The following UBE2M variants were observed in gnomAD, a reference collection of about 807,000 sequenced individuals.
The protein encoded by UBE2M is NEDD8-conjugating enzyme Ubc12.
A neutral mutation model predicts 23.5 loss-of-function variants in UBE2M; 2 were observed. The ratio of observed to expected loss-of-function variants is 0.09; its 90% confidence interval spans 0.03 to 0.27. The LOEUF is 0.27. Ranked by LOEUF, UBE2M falls within the 10% of genes least tolerant of loss-of-function variation. The pLI, the probability that UBE2M is intolerant of heterozygous loss-of-function variation, is 1.00. For synonymous variants in UBE2M, 97 were observed against 95.2 expected (o/e 1.02, Z -0.11); for missense variants, 103 against 232.9 (o/e 0.44, Z 3.63).
Position 58,555,778 on chromosome 19 carries a change from C to T in UBE2M, c.*311G>A, listed in dbSNP as rs1248611820. On this transcript the variant is annotated 3_prime_UTR_variant, in exon 6 of 6. Transcript: ENST00000253023. ...AGGTGGAGGGGTGGGTTGCCTGGGC[C>T]CAGCTACCCAGGCCCGTTGCCCACC... 2 of 379,518 alleles carry T rather than the reference C, an allele frequency of 5.3e-6. No individual in the cohort carries two copies. The highest frequency in any genetic ancestry group is 9.8e-6 in the Non-Finnish European group (2 of 203,130). The allele number at this position is 379,518 out of a possible 1,614,324, so 23.5% of individuals were successfully genotyped here.
In UBE2M at chr19:58,556,156, T is replaced by A. The variant is rs1266818300; in HGVS notation, c.485A>T (p.Gln162Leu). 6 of 1,613,966 alleles carry A rather than the reference T, an allele frequency of 3.7e-6. No homozygotes were observed. The highest frequency in any genetic ancestry group is 1.3e-5 in the African/African-American group (1 of 74,926). ...VLQNNRRLFE[Q>L]NVQRSMRGGY... is the part of the protein sequence containing the mutation. The stretch of plus-strand genomic sequence containing the variant: ...ACCCCGCATGGAGCGCTGCACGTTC[T>A]GCTCAAACAGCCGCCGGTTGTTCTG... The change falls in exon 6 of 6, where the codon CAG (glutamine) becomes CTG (leucine). Residue 162 changes from glutamine to leucine, a missense_variant. This residue lies in a region of UBE2M where 34 missense variants were observed against 45.6 expected (regional missense o/e 0.75). Transcript: ENST00000253023. This position sits in a 1 kb window ranked among gnomAD's most constrained non-coding sequence, Gnocchi z 4.9.
rs1048357587 is a variant in UBE2M, at chr19:58,556,182, C to G, written c.459G>C (p.Leu153=). Residue 153 remains leucine (L), a synonymous_variant, in exon 6 of 6, where the codon CTG becomes CTC. Coordinates refer to ENST00000253023, the MANE Select transcript of UBE2M (RefSeq NM_003969.4). The surrounding 1 kb of genome is among the most constrained non-coding windows in gnomAD (Gnocchi z 4.9). ...GCTCAAACAGCCGCCGGTTGTTCTG[C>G]AGGACCTCTGCGGCCTCCTTGTTCA... ...DPLNKEAAEV[L]QNNRRLFEQN... is the part of the protein sequence containing the mutation. 1.2e-6 allele frequency: 2 copies of G among 1,614,182 alleles called. No homozygotes were observed. The highest frequency in any genetic ancestry group is 1.7e-6 in the Non-Finnish European group (2 of 1,180,020).
Position 58,555,803 on chromosome 19 carries a change from C to G in UBE2M, c.*286G>C, listed in dbSNP as rs947350128. The G allele has an allele frequency of 2.2e-6, 1 of 451,516 alleles. No homozygotes were observed. The highest frequency in any genetic ancestry group is 2.0e-5 in the African/African-American group (1 of 51,222). The allele number at this position is 451,516 out of a possible 1,614,324, so 28.0% of individuals were successfully genotyped here. ...CCAGCTACCCAGGCCCGTTGCCCAC[C>G]CACTCCACAGCCCAGAGTGGGGGCT... On this transcript the variant is annotated 3_prime_UTR_variant, in exon 6 of 6. Transcript: ENST00000253023.
Position 58,558,606 on chromosome 19 carries a change from G to A in UBE2M, c.-225C>T. On this transcript the variant is annotated 5_prime_UTR_variant, in exon 1 of 6. Transcript: ENST00000253023. This position sits in a 1 kb window ranked among gnomAD's most constrained non-coding sequence, Gnocchi z 4.7. Reference sequence around the variant, plus strand: ...CGGCTCCGGCCTGGCCCAGCGCCTCGGACTCGCTCGGCAGCGCTCGGCCAA... The same window carrying A: ...CGGCTCCGGCCTGGCCCAGCGCCTCAGACTCGCTCGGCAGCGCTCGGCCAA... The A allele has an allele frequency of 6.5e-6, 1 of 153,910 alleles. No individual in the cohort carries two copies. The highest frequency in any genetic ancestry group is 1.9e-4 in the East Asian group (1 of 5,154). The allele number at this position is 153,910 out of a possible 1,614,324, so 9.5% of individuals were successfully genotyped here.
Position 58,558,425 on chromosome 19 carries a change from CCCCGGCCA to C in UBE2M, c.-52_-45del, listed in dbSNP as rs2053907688. On this transcript the variant is annotated 5_prime_UTR_variant, in exon 1 of 6. Transcript: ENST00000253023. This position sits in a 1 kb window ranked among gnomAD's most constrained non-coding sequence, Gnocchi z 4.7. ...GCTGCCGCCGCCGCGGGGCCCGGGA[CCCCGGCCA>C]CCCGGCCCCCCGCCGCCGCCCGCGT... 4.0e-6 allele frequency: 4 copies of C among 1,006,826 alleles called. No individual in the cohort carries two copies. Among genetic ancestry groups the C allele is most frequent in the Non-Finnish European group, 4.8e-6 (4 of 838,608 alleles). 62.4% of individuals were successfully genotyped at this position (1,006,826 alleles called of 1,614,324 possible). A position where few individuals can be genotyped will look rare whatever the true frequency, so the allele number is the denominator to read the frequency against.
rs753271416 is a variant in UBE2M, at chr19:58,558,402, T to C, written c.-21A>G. 4.1e-5 allele frequency: 53 copies of C among 1,284,572 alleles called. No individual in the cohort carries two copies. Among genetic ancestry groups the C allele is most frequent in the African/African-American group, 2.2e-4 (14 of 64,644 alleles). 79.6% of individuals were successfully genotyped at this position (1,284,572 alleles called of 1,614,324 possible). On this transcript the variant is annotated 5_prime_UTR_variant, in exon 1 of 6. Transcript: ENST00000253023. The surrounding 1 kb of genome is among the most constrained non-coding windows in gnomAD (Gnocchi z 4.7). ...ATCATCCTGCCGCCGCCGCCGCCGC[T>C]GCCGCCGCCGCGGGGCCCGGGACCC... is the stretch of plus-strand genomic sequence containing the variant.
rs948726664 is a variant in UBE2M at position 58,556,250 on chromosome 19, G to C, written c.412-21C>G. On this transcript the variant is annotated intron_variant, in intron 5 of 5. Transcript: ENST00000253023. This position sits in a 1 kb window ranked among gnomAD's most constrained non-coding sequence, Gnocchi z 4.9. ...GGCTCCTGTGGCCAGTACAGGTAGG[G>C]GGGGTCAACAGGCCAGAGGGACAGA... is the stretch of plus-strand genomic sequence containing the variant. 16 of 1,613,856 alleles carry C rather than the reference G, an allele frequency of 9.9e-6. No homozygotes were observed. Among genetic ancestry groups the C allele is most frequent in the Middle Eastern group, 1.6e-4 (1 of 6,084 alleles).
rs1293021989 is a variant in UBE2M at position 58,555,994 on chromosome 19, C to T, written c.*95G>A. On this transcript the variant is annotated 3_prime_UTR_variant, in exon 6 of 6. Coordinates refer to ENST00000253023, the MANE Select transcript of UBE2M (RefSeq NM_003969.4). ...AGGCCAAGGCAGGGGATTCCCCCAC[C>T]GGCCGCCCCCCAAACCCCTACCCAT... The T allele has an allele frequency of 2.0e-6, 3 of 1,489,384 alleles. No homozygotes were observed. The highest frequency in any genetic ancestry group is 2.1e-5 in the Admixed American group (1 of 48,328). 92.3% of individuals were successfully genotyped at this position (1,489,384 alleles called of 1,614,324 possible). A position where few individuals can be genotyped will look rare whatever the true frequency, so the allele number is the denominator to read the frequency against.
chr19:58,556,280 CA>C lies in UBE2M; in HGVS notation c.411+35del. ...TCAACAGGCCAGAGGGACAGAAGGC[CA>C]ATCTCCCCAGACCCAACCACCTATT... On this transcript the variant is annotated intron_variant, in intron 5 of 5. Coordinates refer to ENST00000253023, the MANE Select transcript of UBE2M (RefSeq NM_003969.4). This position sits in a 1 kb window ranked among gnomAD's most constrained non-coding sequence, Gnocchi z 4.9. 1 of 1,614,062 alleles carries C rather than the reference CA, an allele frequency of 6.2e-7. No individual in the cohort carries two copies. The highest frequency in any genetic ancestry group is 1.1e-5 in the South Asian group (1 of 91,076).
chr19:58,557,895 AT>A (rs2053902870), intron 1 of UBE2M, among the ~76,000 whole-genome samples: 2 of 150,572 alleles, frequency 1.3e-5, no homozygotes, highest in African/African-American at 4.9e-5. Context: ...TCTTCCACTC[AT>A]ATCCCCAACC....
At position 58,557,098 on chromosome 19, in the gene UBE2M, G is replaced by T. The variant is rs1312296284; in HGVS notation, c.169C>A (p.Leu57Ile). The change falls in exon 2 of 6, where the codon CTC becomes ATC. Residue 57 changes from leucine (L) to isoleucine (I), a missense_variant. By Grantham distance (5) the Leu-to-Ile change is conservative. Coordinates refer to ENST00000253023, the MANE Select transcript of UBE2M (RefSeq NM_003969.4). ...CAGATGACCAGCTTGAAGTTGAGGA[G>T]GTCGTCTGGATCTGAGAAGCTGATA... ...CDISFSDPDD[L>I]LNFKLVICPD... is the part of the protein sequence containing the mutation. 1 of 1,614,064 alleles carries T rather than the reference G, an allele frequency of 6.2e-7. No individual in the cohort carries two copies. The highest frequency in any genetic ancestry group is 8.5e-7 in the Non-Finnish European group (1 of 1,179,974).
In UBE2M at chr19:58,555,762, G is replaced by A; in HGVS notation, c.*327C>T. On this transcript the variant is annotated 3_prime_UTR_variant, in exon 6 of 6. Coordinates refer to ENST00000253023, the MANE Select transcript of UBE2M (RefSeq NM_003969.4). ...CTGGTGGGACCTCCAGAGGTGGAGG[G>A]GTGGGTTGCCTGGGCCCAGCTACCC... 5.6e-6 allele frequency: 2 copies of A among 359,044 alleles called. No individual in the cohort carries two copies. Among genetic ancestry groups the A allele is most frequent in the Middle Eastern group, 8.1e-4 (1 of 1,230 alleles). 22.2% of individuals were successfully genotyped at this position (359,044 alleles called of 1,614,324 possible).
Position 58,555,983 on chromosome 19 carries a change from G to C in UBE2M, c.*106C>G. The C allele has an allele frequency of 2.1e-6, 3 of 1,461,030 alleles. No homozygotes were observed. The highest frequency in any genetic ancestry group is 4.3e-5 in the Admixed American group (2 of 46,582). 90.5% of individuals were successfully genotyped at this position (1,461,030 alleles called of 1,614,324 possible). A position where few individuals can be genotyped will look rare whatever the true frequency, so the allele number is the denominator to read the frequency against. On this transcript the variant is annotated 3_prime_UTR_variant, in exon 6 of 6. Coordinates refer to ENST00000253023, the MANE Select transcript of UBE2M (RefSeq NM_003969.4). ...AAGGGGAGGCAAGGCCAAGGCAGGG[G>C]ATTCCCCCACCGGCCGCCCCCCAAA... is the stretch of plus-strand genomic sequence containing the variant.
chr19:58,556,626 G>T lies in UBE2M; in HGVS notation c.347+61C>A. The T allele has an allele frequency of 7.1e-7, 1 of 1,411,310 alleles. No homozygotes were observed. Among genetic ancestry groups the T allele is most frequent in the Non-Finnish European group, 9.6e-7 (1 of 1,041,122 alleles). 87.4% of individuals were successfully genotyped at this position (1,411,310 alleles called of 1,614,324 possible). Reference sequence around the variant, plus strand: ...ACAGAGTCTGATGTAGTGCCCACAAGACCATGAGGGAGGCCTGGCAGGCAG... The same window carrying T: ...ACAGAGTCTGATGTAGTGCCCACAATACCATGAGGGAGGCCTGGCAGGCAG... On this transcript the variant is annotated intron_variant, in intron 4 of 5. Transcript: ENST00000253023. This position sits in a 1 kb window ranked among gnomAD's most constrained non-coding sequence, Gnocchi z 4.9.
chr19:58,558,384 T>TGCCGCCGCCGCC lies in UBE2M; in HGVS notation c.-15_-4dup, dbSNP rs758423838. ...TTCAGCGAGAACAGCTTGATCATCCTGCCGCCGCCGCCGCCGCTGCCGCCG... is the reference window on the plus strand; with the variant it reads ...TTCAGCGAGAACAGCTTGATCATCCTGCCGCCGCCGCCGCCGCCGCCGCCGCCGCTGCCGCCG... On this transcript the variant is annotated 5_prime_UTR_variant, in exon 1 of 6. Coordinates refer to ENST00000253023, the MANE Select transcript of UBE2M (RefSeq NM_003969.4). This position sits in a 1 kb window ranked among gnomAD's most constrained non-coding sequence, Gnocchi z 4.7. 1 of 1,397,328 alleles carries TGCCGCCGCCGCC rather than the reference T, an allele frequency of 7.2e-7. No individual in the cohort carries two copies. Among genetic ancestry groups the TGCCGCCGCCGCC allele is most frequent in the Non-Finnish European group, 9.4e-7 (1 of 1,061,582 alleles). 86.6% of individuals were successfully genotyped at this position (1,397,328 alleles called of 1,614,324 possible). A position where few individuals can be genotyped will look rare whatever the true frequency, so the allele number is the denominator to read the frequency against.
chr19:58,556,608 C>G lies in UBE2M; in HGVS notation c.347+79G>C, dbSNP rs907995228. ...ACAAAGGGGTGGGAAGGGACAGAGT[C>G]TGATGTAGTGCCCACAAGACCATGA... On this transcript the variant is annotated intron_variant, in intron 4 of 5. Transcript: ENST00000253023. This position sits in a 1 kb window ranked among gnomAD's most constrained non-coding sequence, Gnocchi z 4.9. 8.6e-6 allele frequency: 11 copies of G among 1,284,326 alleles called. No individual in the cohort carries two copies. The highest frequency in any genetic ancestry group is 2.3e-5 in the East Asian group (1 of 42,744). 79.6% of individuals were successfully genotyped at this position (1,284,326 alleles called of 1,614,324 possible).
At position 58,556,827 on chromosome 19, in the gene UBE2M, C is replaced by G. The variant is rs775931900; in HGVS notation, c.244-37G>C. 5 of 1,612,294 alleles carry G rather than the reference C, an allele frequency of 3.1e-6. No homozygotes were observed. The highest frequency in any genetic ancestry group is 2.7e-5 in the African/African-American group (2 of 74,820). ...AAAAGAAAAGAGAGATGGGTAGGTG[C>G]CTGGAAGGGCCTCAGCTGCTGCCTC... On this transcript the variant is annotated intron_variant, in intron 3 of 5. Coordinates refer to ENST00000253023, the MANE Select transcript of UBE2M (RefSeq NM_003969.4). The surrounding 1 kb of genome is among the most constrained non-coding windows in gnomAD (Gnocchi z 4.9).
At position 58,555,972 on chromosome 19, in the gene UBE2M, C is replaced by G. The variant is rs995884084; in HGVS notation, c.*117G>C. On this transcript the variant is annotated 3_prime_UTR_variant, in exon 6 of 6. Coordinates refer to ENST00000253023, the MANE Select transcript of UBE2M (RefSeq NM_003969.4). The stretch of plus-strand genomic sequence containing the variant: ...CACGTGGCAGGAAGGGGAGGCAAGG[C>G]CAAGGCAGGGGATTCCCCCACCGGC... The G allele has an allele frequency of 8.5e-5, 121 of 1,422,814 alleles. No homozygotes were observed. In the East Asian group the frequency reaches 2.9e-3, roughly 34 times the overall value. The allele number at this position is 1,422,814 out of a possible 1,614,324, so 88.1% of individuals were successfully genotyped here. A position where few individuals can be genotyped will look rare whatever the true frequency, so the allele number is the denominator to read the frequency against.
Position 58,556,698 on chromosome 19 carries a change from G to C in UBE2M, c.336C>G (p.Leu112=). ...GCCAGTGTCCTCACCTGAGGATGTT[G>C]AGGCAGACGTTGCCCTCGAGGTCAA... The part of the protein sequence containing the change: ...PNIDLEGNVC[L]NILREDWKPV... Residue 112 remains leucine, a synonymous_variant, in exon 4 of 6, where the codon CTC becomes CTG. Coordinates refer to ENST00000253023, the MANE Select transcript of UBE2M (RefSeq NM_003969.4). The surrounding 1 kb of genome is among the most constrained non-coding windows in gnomAD (Gnocchi z 4.9). 6.5e-7 allele frequency: 1 copy of C among 1,528,972 alleles called. No homozygotes were observed. Among genetic ancestry groups the C allele is most frequent in the Non-Finnish European group, 8.8e-7 (1 of 1,140,650 alleles). 94.7% of individuals were successfully genotyped at this position (1,528,972 alleles called of 1,614,324 possible).
Sources: gnomAD v4.1 joint callset for allele counts (sites outside exome capture counted in the v4.1 genomes callset) on GRCh38, gnomAD v4.1.1 for gene constraint, gnomAD v4.1.1 regional missense constraint, Gnocchi (gnomAD v3.1) non-coding constraint, MANE v1.5 for transcripts, NCBI Gene and HGNC (gene_info 2026-07-23, HGNC 2026-07-21) for gene names.